The following SUZ12 variants were observed in gnomAD, a reference collection of about 807,000 sequenced individuals.
SUZ12 encodes the protein polycomb protein SUZ12.
SUZ12 carries 17 observed loss-of-function variants against 87.3 expected under a neutral mutation model. That is an observed-to-expected ratio of 0.19 (90% CI 0.13 to 0.29). The LOEUF (loss-of-function observed/expected upper bound fraction) is 0.29, where lower values mean the gene tolerates loss of function less well. Among genes scored for constraint, SUZ12 ranks in the 10% least tolerant of loss-of-function variants. The pLI is 1.00. For missense variants in SUZ12, 526 were observed against 912.2 expected (o/e 0.58, Z 5.45); for synonymous variants, 253 against 312.4 (o/e 0.81, Z 2.01).
rs1323616404 is a variant in SUZ12, at chr17:31,976,440, AT to A, written c.824-80del. 16 of 1,107,674 alleles carry A rather than the reference AT, an allele frequency of 1.4e-5. No homozygotes were observed. In the African/African-American group the frequency reaches 1.9e-4, roughly 13 times the overall value. 68.6% of individuals were successfully genotyped at this position (1,107,674 alleles called of 1,614,324 possible). On this transcript the variant is annotated intron_variant, in intron 7 of 15. Coordinates refer to ENST00000322652, the MANE Select transcript of SUZ12 (RefSeq NM_015355.4). The stretch of plus-strand genomic sequence containing the variant: ...GTACCTCATTTGGGATAAATGTAGC[AT>A]GTTTTATGTTAAGGGACCATATATC...
chr17:31,969,238 G>A (rs1249121335), intron 5 of SUZ12, among the ~76,000 whole-genome samples: 1 of 151,968 alleles, frequency 6.6e-6, no homozygotes, highest in Non-Finnish European at 1.5e-5. Flanking sequence ...TCTACCTCCC[G>A]GGTTCAAGCA....
Position 31,999,037 on chromosome 17 carries a change from A to C in SUZ12, c.*34A>C. ...AACCCCATGTTATGGACAAACACTGAAATTACATTTTAGGGAATTCATCCT... is the reference window on the plus strand; with the variant it reads ...AACCCCATGTTATGGACAAACACTGCAATTACATTTTAGGGAATTCATCCT... On this transcript the variant is annotated 3_prime_UTR_variant, in exon 16 of 16. Coordinates refer to ENST00000322652, the MANE Select transcript of SUZ12 (RefSeq NM_015355.4). 6.8e-7 allele frequency: 1 copy of C among 1,468,276 alleles called. No homozygotes were observed. The highest frequency in any genetic ancestry group is 9.0e-7 in the Non-Finnish European group (1 of 1,105,566). The allele number at this position is 1,468,276 out of a possible 1,614,324, so 91.0% of individuals were successfully genotyped here.
In SUZ12 at chr17:31,974,681, G is replaced by A. The variant is rs1231461237; in HGVS notation, c.592-801G>A. 2.6e-5 allele frequency among the ~76,000 whole-genome samples: 4 copies of A among 152,164 alleles called. No individual in the cohort carries two copies. The East Asian group carries it at 7.7e-4, about 29-fold the overall frequency. ...TATACACAGCCAACTGCTAGTATTA[G>A]TCATCTCCGGAGCGTAAGACCTGGG... is the stretch of plus-strand genomic sequence containing the variant. On this transcript the variant is annotated intron_variant, in intron 6 of 15. Coordinates refer to ENST00000322652, the MANE Select transcript of SUZ12 (RefSeq NM_015355.4).
intron 8 of SUZ12, among the ~76,000 whole-genome samples, chr17:31,980,773 C>T (rs1909058609): frequency 6.6e-6 from 1 of 152,026 alleles, no homozygotes; most frequent in African/African-American, 2.4e-5. Context: ...CTTACCTCTG[C>T]TCTGAAGTTG....
In SUZ12 at chr17:31,972,741, G is replaced by A. The variant is rs1027289575; in HGVS notation, c.506-405G>A. On this transcript the variant is annotated intron_variant, in intron 5 of 15. Transcript: ENST00000322652. ...TGAATATTTTTTATACTTACAACCT[G>A]GGCATGGTGGCTCACGCCTGTAATC... Among the ~76,000 whole-genome samples, 4 of 149,622 alleles carry A rather than the reference G, an allele frequency of 2.7e-5. No homozygotes were observed. In the Admixed American group the frequency reaches 2.7e-4, roughly 10 times the overall value.
chr17:31,996,854 G>T lies in SUZ12; in HGVS notation c.1851G>T (p.Trp617Cys). ...GAGAGAAAGAAGTGATGAAACTCTG[G>T]AATCTCCATGTCATGAAGCATGGGT... ...NEGEKEVMKL[W>C]NLHVMKHGFI... The change falls in exon 15 of 16, where the codon TGG becomes TGT. Residue 617 changes from tryptophan (W) to cysteine (C), a missense_variant. Physicochemically the swap from Trp to Cys is radical, Grantham distance 215. Around this residue, in one of 9 missense-constraint regions of SUZ12, gnomAD observed 143 missense variants for 321.6 expected, o/e 0.44. Transcript: ENST00000322652. The T allele has an allele frequency of 6.5e-7, 1 of 1,541,078 alleles. No homozygotes were observed. The highest frequency in any genetic ancestry group is 8.7e-7 in the Non-Finnish European group (1 of 1,154,132).
intron 7 of SUZ12, 133 bp from the exon 8 acceptor site, chr17:31,976,388 T>C: frequency 1.4e-6 from 1 of 707,458 alleles, no homozygotes; most frequent in Non-Finnish European, 2.4e-6. Context: ...ATGTGGTCTG[T>C]ATATTATTGC....
At chr17:31,960,403 G>A (rs1211365582) in intron 4 of SUZ12, among the ~76,000 whole-genome samples, 1 of 151,862 alleles carries the variant, frequency 6.6e-6, no homozygotes, top group Non-Finnish European at 1.5e-5. Flanking sequence ...TAGAGATGAG[G>A]TTTCACCACG....
At chr17:31,951,994 C>T in intron 4 of SUZ12, among the ~76,000 whole-genome samples, 1 of 151,964 alleles carries the variant, frequency 6.6e-6, no homozygotes, top group Non-Finnish European at 1.5e-5. Context: ...AGGCTGGTGT[C>T]AAACTCCTGA....
Position 31,998,944 on chromosome 17 carries a change from G to A in SUZ12, c.2161G>A (p.Ala721Thr), listed in dbSNP as rs1295961198. Residue 721 changes from alanine (A) to threonine (T), a missense_variant, in exon 16 of 16, where the codon GCT becomes ACT. Physicochemically the swap from Ala to Thr is moderately conservative, Grantham distance 58 (BLOSUM62 0). Coordinates refer to ENST00000322652, the MANE Select transcript of SUZ12 (RefSeq NM_015355.4). ...GFSEINSKEK[A>T]LETDSVSGVS... ...TAGTGAAATTAACTCAAAAGAGAAAGCTTTGGAAACAGATAGTGTCTCAGG... is the reference window on the plus strand; with the variant it reads ...TAGTGAAATTAACTCAAAAGAGAAAACTTTGGAAACAGATAGTGTCTCAGG... The A allele has an allele frequency of 6.2e-7, 1 of 1,607,680 alleles. No homozygotes were observed. The highest frequency in any genetic ancestry group is 8.5e-7 in the Non-Finnish European group (1 of 1,178,250).
chr17:31,968,273 G>T (rs1328751639), intron 5 of SUZ12, among the ~76,000 whole-genome samples: 1 of 152,024 alleles, frequency 6.6e-6, no homozygotes, highest in Admixed American at 6.6e-5. Context: ...TTTAGACAGG[G>T]TCTTGCTCGT....
At chr17:31,975,031 A>G (rs956313497) in intron 6 of SUZ12, among the ~76,000 whole-genome samples, 3 of 152,150 alleles carry the variant, frequency 2.0e-5, no homozygotes, top group Non-Finnish European at 2.9e-5. Context: ...TGGGATTATT[A>G]GTCATTTTTT....
At chr17:31,938,093 G>T (rs1198951155) in intron 1 of SUZ12, among the ~76,000 whole-genome samples, 2 of 151,988 alleles carry the variant, frequency 1.3e-5, no homozygotes, top group Non-Finnish European at 2.9e-5. Flanking sequence ...GAGTGGTCAA[G>T]CATCTTCTCT....
At position 31,973,291 on chromosome 17, in the gene SUZ12, T is replaced by G. The variant is rs959624827; in HGVS notation, c.591+60T>G. The G allele has an allele frequency of 3.1e-6, 4 of 1,271,070 alleles. No homozygotes were observed. The African/African-American group carries it at 4.5e-5, about 14-fold the overall frequency. 78.7% of individuals were successfully genotyped at this position (1,271,070 alleles called of 1,614,324 possible). On this transcript the variant is annotated intron_variant, in intron 6 of 15. Transcript: ENST00000322652. ...GGAATAATTTGCTTAATTGGACATC[T>G]TTATGCATATATATTGTATTTTAAA...
intron 7 of SUZ12, 113 bp from the exon 8 acceptor site, chr17:31,976,408 G>C: frequency 2.3e-6 from 2 of 854,104 alleles, no homozygotes; most frequent in Non-Finnish European, 3.6e-6. Flanking sequence ...CAACTTTAGT[G>C]TAATTCGTAC....
At chr17:31,960,540 A>G (rs1427932843) in intron 4 of SUZ12, among the ~76,000 whole-genome samples, 1 of 151,838 alleles carries the variant, frequency 6.6e-6, no homozygotes, top group African/African-American at 2.4e-5. Flanking sequence ...GGAAGGGGAA[A>G]TCATGCATAG....
intron 4 of SUZ12, among the ~76,000 whole-genome samples, chr17:31,958,911 G>C (rs1183594460): frequency 1.3e-5 from 2 of 152,080 alleles, no homozygotes. Context: ...TCATCTACTC[G>C]GGAGGCTGAG....
chr17:31,948,268 T>C (rs539141386), intron 4 of SUZ12, among the ~76,000 whole-genome samples: 30 of 152,212 alleles, frequency 2.0e-4, no homozygotes, highest in Non-Finnish European at 4.1e-4. Context: ...CTAAATGTTC[T>C]GACTAGTCTG....
rs548527642 is a variant in SUZ12, at chr17:31,937,438, G to T, written c.192G>T (p.Ala64=). The change falls in exon 1 of 16, where the codon GCG becomes GCT. Residue 64 remains alanine, a synonymous_variant. Coordinates refer to ENST00000322652, the MANE Select transcript of SUZ12 (RefSeq NM_015355.4). ...CCTCCTCCTCCGCGGCGGCAGCGGC[G>T]GGGGCTGCGGTGTTACCGGTGAAGA... The part of the protein sequence containing the change: ...ASSSSSAAAA[A]GAAVLPVKKP... 9.7e-5 allele frequency: 150 copies of T among 1,540,836 alleles called. 1 individual carries two copies. In the African/African-American group the frequency reaches 2.0e-3, roughly 20 times the overall value.
Sources: allele counts gnomAD v4.1 joint callset (sites outside exome capture counted in the v4.1 genomes callset), GRCh38; gene constraint gnomAD v4.1.1; regional missense constraint gnomAD v4.1.1; transcripts MANE v1.5; gene names NCBI Gene and HGNC (gene_info 2026-07-23, HGNC 2026-07-21).